The following MPPED1 variants were observed in gnomAD, a reference collection of about 807,000 sequenced individuals.
MPPED1 encodes the protein metallophosphoesterase domain-containing protein 1.
MPPED1 carries 16 observed loss-of-function variants against 36.2 expected under a neutral mutation model. That is an observed-to-expected ratio of 0.44 (90% CI 0.30 to 0.67). MPPED1 has a LOEUF of 0.67. Ranked by LOEUF, MPPED1 falls within the 30% of genes least tolerant of loss-of-function variation. MPPED1 has a pLI of 0.10. For synonymous variants in MPPED1, 199 were observed against 191.3 expected, an observed-to-expected ratio of 1.04 and a Z score of -0.33; for missense variants, 307 against 453.4, an observed-to-expected ratio of 0.68 and a Z score of 2.93.
chr22:43,504,313 G>A (rs1932772638), intron 6 of MPPED1, among the ~76,000 whole-genome samples: 1 of 152,054 alleles, frequency 6.6e-6, no homozygotes, highest in East Asian at 1.9e-4. Context: ...GGTGTTGGTG[G>A]TGATGATCAT....
chr22:43,448,138 C>T (rs964074592), intron 3 of MPPED1, among the ~76,000 whole-genome samples: 9 of 152,068 alleles, frequency 5.9e-5, no homozygotes, highest in Non-Finnish European at 1.2e-4. Context: ...ATCCACCTGC[C>T]TTGGCCTCCC....
At chr22:43,463,812 TTTCTTTCTTTC>T (rs1312331638) in intron 3 of MPPED1, among the ~76,000 whole-genome samples, 1 of 21,240 alleles carries the variant, frequency 4.7e-5, no homozygotes, top group Admixed American at 4.9e-4. Flanking sequence ...TTTTCTTTTC[TTTCTTTCTTTC>T]TTTCTTTCTT....
At position 43,493,321 on chromosome 22, in the gene MPPED1, G is replaced by T. The variant is rs192910796; in HGVS notation, c.633-4914G>T. ...AATGGGGTTCCAAGGAGGTGCATTG[G>T]GCACCTGCCAACAGGGTAGTATGTT... On this transcript the variant is annotated intron_variant, in intron 4 of 6. Coordinates refer to ENST00000443721, the MANE Select transcript of MPPED1 (RefSeq NM_001044370.2). 5.3e-5 allele frequency among the ~76,000 whole-genome samples: 8 copies of T among 152,334 alleles called. No homozygotes were observed. The East Asian group carries it at 1.5e-3, about 29-fold the overall frequency.
intron 4 of MPPED1, among the ~76,000 whole-genome samples, chr22:43,495,579 AGGT>A (rs1395024763): frequency 5.1e-5 from 2 of 39,490 alleles, no homozygotes; most frequent in African/African-American, 1.8e-4. Context: ...GTGATGGTGG[AGGT>A]GGTGGTGGTG....
intron 3 of MPPED1, among the ~76,000 whole-genome samples, chr22:43,463,028 C>T (rs1047737046): frequency 2.0e-5 from 3 of 152,100 alleles, no homozygotes; most frequent in Non-Finnish European, 2.9e-5. Flanking sequence ...GTATAGAATT[C>T]TGAGTTGCAG....
intron 4 of MPPED1, among the ~76,000 whole-genome samples, chr22:43,494,266 G>A (rs1364342830): frequency 1.3e-5 from 2 of 152,146 alleles, no homozygotes; most frequent in Non-Finnish European, 2.9e-5. Flanking sequence ...TCTTGCATTC[G>A]AGGGCTCAAA....
intron 4 of MPPED1, among the ~76,000 whole-genome samples, chr22:43,494,885 T>C (rs1411768345): frequency 6.6e-6 from 1 of 152,176 alleles, no homozygotes; most frequent in African/African-American, 2.4e-5. Context: ...TCCTGGTTCA[T>C]AGATGGCACC....
At chr22:43,453,519 T>C (rs6003207) in intron 3 of MPPED1, among the ~76,000 whole-genome samples, 119,974 of 151,962 alleles carry the variant, frequency 0.79, 48,288 homozygotes, top group East Asian at 0.88. Context: ...GGCTTCGTTG[T>C]GGGATTTTCT....
At chr22:43,437,814 A>C (rs1930014672) in intron 3 of MPPED1, among the ~76,000 whole-genome samples, 2 of 152,156 alleles carry the variant, frequency 1.3e-5, no homozygotes, top group Non-Finnish European at 2.9e-5. Context: ...ACTGGCGTCT[A>C]CCAGATCTGG....
At chr22:43,447,801 A>T (rs1000225029) in intron 3 of MPPED1, among the ~76,000 whole-genome samples, 6 of 140,946 alleles carry the variant, frequency 4.3e-5, no homozygotes, top group African/African-American at 7.8e-5. Context: ...GAGCACACTT[A>T]TATATATATA....
At chr22:43,495,539 A>G (rs889070757) in intron 4 of MPPED1, among the ~76,000 whole-genome samples, 2,950 of 11,836 alleles carry the variant, frequency 0.25, no homozygotes, top group Non-Finnish European at 0.27. Flanking sequence ...GGTGGTGGAG[A>G]TGGTGGTGGT....
chr22:43,428,586 G>A (rs1345157115), intron 2 of MPPED1, among the ~76,000 whole-genome samples: 1 of 152,156 alleles, frequency 6.6e-6, no homozygotes, highest in African/African-American at 2.4e-5. Flanking sequence ...GCCACCCTGG[G>A]CTTTGTCTCC....
Position 43,469,767 on chromosome 22 carries a change from T to C in MPPED1, c.407-4969T>C, listed in dbSNP as rs140485341. On this transcript the variant is annotated intron_variant, in intron 3 of 6. Coordinates refer to ENST00000443721, the MANE Select transcript of MPPED1 (RefSeq NM_001044370.2). ...GGAGAAGGGGCGACACAGAGGTCAGTTGGTGTAAAGGAGACAGTCAGACCT... is the reference window on the plus strand; with the variant it reads ...GGAGAAGGGGCGACACAGAGGTCAGCTGGTGTAAAGGAGACAGTCAGACCT... Among the ~76,000 whole-genome samples the C allele has an allele frequency of 1.4e-3, 215 of 152,304 alleles. 1 individual carries two copies. The highest frequency in any genetic ancestry group is 4.9e-3 in the African/African-American group (203 of 41,572).
At chr22:43,445,651 C>T (rs1018175341) in intron 3 of MPPED1, among the ~76,000 whole-genome samples, 1 of 150,516 alleles carries the variant, frequency 6.6e-6, no homozygotes, top group African/African-American at 2.5e-5. Context: ...GCCTTGACCT[C>T]CTGGGCTTAA....
chr22:43,488,529 T>A (rs1441859769), intron 4 of MPPED1, among the ~76,000 whole-genome samples: 1 of 152,226 alleles, frequency 6.6e-6, no homozygotes, highest in Non-Finnish European at 1.5e-5. Context: ...CTAAGCAGGC[T>A]TAATTAGACG....
At chr22:43,429,212 G>A (rs1034231582) in intron 2 of MPPED1, among the ~76,000 whole-genome samples, 1 of 152,126 alleles carries the variant, frequency 6.6e-6, no homozygotes, top group African/African-American at 2.4e-5. Flanking sequence ...GGATGCTAAG[G>A]TTTTGGAAGG....
intron 3 of MPPED1, among the ~76,000 whole-genome samples, chr22:43,449,238 CGTT>C (rs2146851759): frequency 6.6e-6 from 1 of 152,284 alleles, no homozygotes; most frequent in African/African-American, 2.4e-5. Flanking sequence ...GGCACTTTCA[CGTT>C]GTTTTCTCAC....
intron 3 of MPPED1, among the ~76,000 whole-genome samples, chr22:43,459,225 G>A (rs556969017): frequency 1.4e-4 from 21 of 152,086 alleles, no homozygotes; most frequent in African/African-American, 2.4e-4. Flanking sequence ...TAGGTGCACC[G>A]TGCACACCAC....
chr22:43,457,322 A>C (rs1930788808), intron 3 of MPPED1, among the ~76,000 whole-genome samples: 1 of 152,182 alleles, frequency 6.6e-6, no homozygotes, highest in Non-Finnish European at 1.5e-5. Flanking sequence ...TGGTATAGCG[A>C]CTACAGCTCT....
Sources: gnomAD v4.1 joint callset for allele counts (sites outside exome capture counted in the v4.1 genomes callset) on GRCh38, gnomAD v4.1.1 for gene constraint, MANE v1.5 for transcripts, NCBI Gene and HGNC (gene_info 2026-07-23, HGNC 2026-07-21) for gene names.